Variants in C12orf50 observed in about 807,000 individuals in gnomAD.
The protein encoded by C12orf50 is zinc finger CCCH-type containing 11D.
C12orf50 carries 35 observed loss-of-function variants against 61.6 expected under a neutral mutation model. The observed-to-expected ratio is 0.57, with a 90% CI of 0.43 to 0.75. The LOEUF (loss-of-function observed/expected upper bound fraction) is 0.75. Among genes scored for constraint, C12orf50 ranks in the 30% least tolerant of loss-of-function variants. The pLI is 0.00. For synonymous variants in C12orf50, 178 were observed against 161.5 expected (o/e 1.10, Z -0.77); for missense variants, 475 against 488.5 (o/e 0.97, Z 0.26).
Position 87,989,464 on chromosome 12 carries a change from G to C in C12orf50, c.593-93C>G, listed in dbSNP as rs946350065. The C allele has an allele frequency of 1.1e-4, 91 of 817,568 alleles. No homozygotes were observed. The African/African-American group carries it at 1.3e-3, about 12-fold the overall frequency. The allele number at this position is 817,568 out of a possible 1,614,324, so 50.6% of individuals were successfully genotyped here. Reference sequence around the variant, plus strand: ...GAACATTTTCTACAATACCCCTTTTGTTCACCTTTCTTTGGACACTTCTCA... The same window carrying C: ...GAACATTTTCTACAATACCCCTTTTCTTCACCTTTCTTTGGACACTTCTCA... On this transcript the variant is annotated intron_variant, in intron 7 of 12. Transcript: ENST00000298699.
At chr12:87,982,912 G>A (rs555258256) in intron 12 of C12orf50, among the ~76,000 whole-genome samples, 191 bp downstream of exon 12, 70 of 151,936 alleles carry the variant, frequency 4.6e-4, no homozygotes, top group African/African-American at 1.5e-3. Context: ...AATAGGCAAA[G>A]AGGAACACAG....
rs1223551236 is a variant in C12orf50 at position 88,026,972 on chromosome 12, T to C, written c.-10A>G. The C allele has an allele frequency of 6.2e-7, 1 of 1,613,632 alleles. No individual in the cohort carries two copies. Among genetic ancestry groups the C allele is most frequent in the Non-Finnish European group, 8.5e-7 (1 of 1,179,942 alleles). ...CTACCTGCATTTCCATGTGTCTAAA[T>C]CTGCAAAGTGGATCTAAACATTTCC... is the stretch of plus-strand genomic sequence containing the variant. On this transcript the variant is annotated 5_prime_UTR_variant, in exon 2 of 13. Transcript: ENST00000298699.
rs2030596123 is a variant in C12orf50, at chr12:87,983,092, T to C, written c.1219+11A>G. ...TTGCATGATACATTAAAACCACTTA[T>C]AAATAGTTACCTGGATATATCTTTT... On this transcript the variant is annotated intron_variant, in intron 12 of 12. Transcript: ENST00000298699. The C allele has an allele frequency of 6.7e-7, 1 of 1,501,156 alleles. No individual in the cohort carries two copies. Among genetic ancestry groups the C allele is most frequent in the African/African-American group, 1.4e-5 (1 of 71,918 alleles). The allele number at this position is 1,501,156 out of a possible 1,614,324, so 93.0% of individuals were successfully genotyped here.
In C12orf50 at chr12:88,003,659, G is replaced by A. The variant is rs562002503; in HGVS notation, c.134-5469C>T. On this transcript the variant is annotated intron_variant, in intron 3 of 12. Transcript: ENST00000298699. Reference sequence around the variant, plus strand: ...GATTACTGCCTGTATTGTTTCTGACGGGAAGGTAGCTGTTAATCATACTGG... The same window carrying A: ...GATTACTGCCTGTATTGTTTCTGACAGGAAGGTAGCTGTTAATCATACTGG... Among the ~76,000 whole-genome samples the A allele has an allele frequency of 3.5e-4, 53 of 152,002 alleles. 1 individual carries two copies. Among genetic ancestry groups the A allele is most frequent in the Admixed American group, 7.9e-4 (12 of 15,260 alleles).
intron 3 of C12orf50, among the ~76,000 whole-genome samples, chr12:88,015,822 A>G (rs895894991): frequency 6.6e-6 from 1 of 152,210 alleles, no homozygotes; most frequent in Non-Finnish European, 1.5e-5. Flanking sequence ...TCCATGGTTT[A>G]TAAACATGTA....
chr12:88,021,288 A>C (rs1273552006), intron 3 of C12orf50, among the ~76,000 whole-genome samples: 1 of 88,080 alleles, frequency 1.1e-5, no homozygotes, highest in African/African-American at 4.2e-5. Flanking sequence ...ACTGCTACCT[A>C]GACTAATAAA....
chr12:88,024,401 G>A (rs777286509), intron 3 of C12orf50, among the ~76,000 whole-genome samples: 5 of 152,098 alleles, frequency 3.3e-5, no homozygotes, highest in Non-Finnish European at 5.9e-5. Flanking sequence ...ATGGTAGAAC[G>A]AATAAGGAAA....
In C12orf50 at chr12:87,986,000, T is replaced by C. The variant is rs1475855838; in HGVS notation, c.976A>G (p.Asn326Asp). The C allele has an allele frequency of 6.2e-7, 1 of 1,613,872 alleles. No individual in the cohort carries two copies. The highest frequency in any genetic ancestry group is 1.1e-5 in the South Asian group (1 of 91,084). Residue 326 changes from asparagine to aspartate, a missense_variant, in exon 11 of 13, where the codon AAT (asparagine) becomes GAT (aspartate). Transcript: ENST00000298699. ...TAGGATGCATTCTCCGCATTTCGAT[T>C]TTTATTATTGCGGTGATAACTCATT... ...NKMSYHRNNK[N>D]RNAENASYIH... is the part of the protein sequence containing the mutation.
At chr12:88,030,110 A>C (rs1226419273), upstream of C12orf50, 1 of 158,084 alleles carries the variant, frequency 6.3e-6, no homozygotes, top group East Asian at 1.8e-4. Context: ...TAAATGTATT[A>C]GTCCGTTTTC....
chr12:88,026,805 C>T, intron 2 of C12orf50, 146 bp downstream of exon 2: 2 of 1,345,142 alleles, frequency 1.5e-6, no homozygotes, highest in Non-Finnish European at 1.0e-6. Context: ...ACATGTTCCT[C>T]CATTAAGTTG....
At chr12:88,026,679 A>T in intron 2 of C12orf50, 71 bp from the exon 3 acceptor site, 1 of 1,544,394 alleles carries the variant, frequency 6.5e-7, no homozygotes, top group Non-Finnish European at 8.8e-7. Context: ...ATGTGCTACA[A>T]TACAGCACAA....
intron 3 of C12orf50, among the ~76,000 whole-genome samples, chr12:88,015,629 T>C (rs1213329671): frequency 6.6e-6 from 1 of 152,172 alleles, no homozygotes. Context: ...GTGCATACCA[T>C]AGGAGAAAGA....
At chr12:88,010,031 G>A (rs1231509122) in intron 3 of C12orf50, among the ~76,000 whole-genome samples, 1 of 151,934 alleles carries the variant, frequency 6.6e-6, no homozygotes, top group Admixed American at 6.6e-5. Flanking sequence ...TAACTGAAAA[G>A]ACCACCCATT....
chr12:88,026,861 A>T (rs1194865748), intron 2 of C12orf50, 90 bp downstream of exon 2: 2 of 1,499,576 alleles, frequency 1.3e-6, no homozygotes. Context: ...AGGAAGAATG[A>T]TTTCTTCCAT....
chr12:87,985,752 G>C, intron 11 of C12orf50, 98 bp downstream of exon 11: 4 of 1,169,994 alleles, frequency 3.4e-6, no homozygotes, highest in Non-Finnish European at 5.1e-6. Flanking sequence ...GTAAAGAAGA[G>C]GGGAGTAAGT....
intron 3 of C12orf50, among the ~76,000 whole-genome samples, chr12:88,009,476 T>A (rs2032017009): frequency 6.6e-6 from 1 of 152,086 alleles, no homozygotes; most frequent in East Asian, 1.9e-4. Context: ...TATTGTTCTA[T>A]GATAGCAGTT....
In C12orf50 at chr12:87,985,934, T is replaced by C; in HGVS notation, c.1042A>G (p.Asn348Asp). 1 of 1,613,908 alleles carries C rather than the reference T, an allele frequency of 6.2e-7. No individual in the cohort carries two copies. Among genetic ancestry groups the C allele is most frequent in the Non-Finnish European group, 8.5e-7 (1 of 1,179,882 alleles). ...GTGGGCCTGCTGCGGGAAGGTGCAT[T>C]CAACGCGACAGTCCTGACAGCATCT... ...QRDAVRTVALNAPSRSRPTHG... is the reference protein window; with the variant it reads ...QRDAVRTVALDAPSRSRPTHG... The change falls in exon 11 of 13, where the codon AAT becomes GAT. Residue 348 changes from asparagine (N) to aspartate (D), a missense_variant. By Grantham distance (23) the Asn-to-Asp change is conservative. Transcript: ENST00000298699.
rs2031496856 is a variant in C12orf50, at chr12:87,998,153, T to A, written c.171A>T (p.Pro57=). 1.9e-6 allele frequency: 3 copies of A among 1,612,576 alleles called. No homozygotes were observed. The African/African-American group carries it at 4.0e-5, about 21-fold the overall frequency. The change falls in exon 4 of 13, where the codon CCA becomes CCT. Residue 57 remains proline, a synonymous_variant. Transcript: ENST00000298699. The stretch of plus-strand genomic sequence containing the variant: ...GAGGTTCTTGACTCTGGGACTGGAG[T>A]GGAATTCCTTCCTGAATTTCTTTCT... ...TLQKEIQEGI[P]LQSQSQEPLK... is the part of the protein sequence containing the mutation.
chr12:88,028,702 T>C (rs2032794917), intron 1 of C12orf50, among the ~76,000 whole-genome samples: 1 of 152,132 alleles, frequency 6.6e-6, no homozygotes, highest in African/African-American at 2.4e-5. Flanking sequence ...TTATAATGAC[T>C]GGAATCATAT....
Sources: allele counts gnomAD v4.1 joint callset (sites outside exome capture counted in the v4.1 genomes callset), GRCh38; gene constraint gnomAD v4.1.1; transcripts MANE v1.5; gene names NCBI Gene and HGNC (gene_info 2026-07-23, HGNC 2026-07-21).